The following RFTN1 variants were observed in gnomAD, a reference collection of about 807,000 sequenced individuals.
RFTN1 encodes raftlin, lipid raft linker 1, also known as raftlin.
In RFTN1, 26 loss-of-function variants were observed where a neutral mutation model predicts 46.5. The ratio of observed to expected loss-of-function variants is 0.56; its 90% confidence interval spans 0.41 to 0.78. The LOEUF is 0.78. RFTN1 is among the 30% of genes least tolerant of loss of function. RFTN1 has a pLI of 0.00. For missense variants in RFTN1, 693 were observed against 718.7 expected, an observed-to-expected ratio of 0.96 and a Z score of 0.41; for synonymous variants, 261 against 284.2, an observed-to-expected ratio of 0.92 and a Z score of 0.82.
At chr3:16,318,611 AT>A (rs111635660) in intron 9 of RFTN1, among the ~76,000 whole-genome samples, 52,153 of 151,854 alleles carry the variant, frequency 0.34, 9,792 homozygotes, top group Non-Finnish European at 0.42. Flanking sequence ...TTAATACATT[AT>A]AGGATTCTTG....
rs1038759515 is a variant in RFTN1 at position 16,458,375 on chromosome 3, G to A, written c.146-24338C>T. 1.3e-5 allele frequency among the ~76,000 whole-genome samples: 2 copies of A among 152,186 alleles called. No homozygotes were observed. Among genetic ancestry groups the A allele is most frequent in the Non-Finnish European group, 2.9e-5 (2 of 68,030 alleles). On this transcript the variant is annotated intron_variant, in intron 2 of 9. Coordinates refer to ENST00000334133, the MANE Select transcript of RFTN1 (RefSeq NM_015150.2). This position sits in a 1 kb window ranked among gnomAD's most constrained non-coding sequence, Gnocchi z 5.1. ...GGAGTTTCAGGTAGTGGGGTGCTAT[G>A]CCCAGGATACAGCAGAAAGGAAAAG...
At chr3:16,441,299 T>TAAAAAAAAAA (rs59877269) in intron 2 of RFTN1, among the ~76,000 whole-genome samples, 78 of 47,212 alleles carry the variant, frequency 1.7e-3, no homozygotes, top group Middle Eastern at 0.022. Context: ...TTCCAAGAAC[T>TAAAAAAAAAA]AAAAAAAAAA....
At chr3:16,357,114 C>CAAAAAAAAAAA (rs10563071) in intron 7 of RFTN1, among the ~76,000 whole-genome samples, 1 of 133,570 alleles carries the variant, frequency 7.5e-6, no homozygotes, top group Non-Finnish European at 1.6e-5. Flanking sequence ...GATGCCATCT[C>CAAAAAAAAAAA]AAAAAAAAAA....
Position 16,507,141 on chromosome 3 carries a change from T to C in RFTN1, c.-9+6301A>G, listed in dbSNP as rs560561984. Among the ~76,000 whole-genome samples the C allele has an allele frequency of 1.0e-3, 159 of 152,188 alleles. No individual in the cohort carries two copies. Among genetic ancestry groups the C allele is most frequent in the African/African-American group, 3.8e-3 (156 of 41,526 alleles). ...CTTCTAGGGTGAGGACTAAATAAGG[T>C]AGGGTGAGTTACTATTTAACAGGGC... On this transcript the variant is annotated intron_variant, in intron 1 of 9. Coordinates refer to ENST00000334133, the MANE Select transcript of RFTN1 (RefSeq NM_015150.2). This position sits in a 1 kb window ranked among gnomAD's most constrained non-coding sequence, Gnocchi z 7.1.
At position 16,344,309 on chromosome 3, in the gene RFTN1, A is replaced by AT. The variant is rs2071498057; in HGVS notation, c.1146+13622dup. On this transcript the variant is annotated intron_variant, in intron 7 of 9. Transcript: ENST00000334133. The surrounding 1 kb of genome is among the most constrained non-coding windows in gnomAD (Gnocchi z 4.4). ...GAAACCTACTCAAAAAAGAAAGTGG[A>AT]TTAGATCAGTAATTTTCAAGGTTTT... is the stretch of plus-strand genomic sequence containing the variant. Among the ~76,000 whole-genome samples, 1 of 151,318 alleles carries AT rather than the reference A, an allele frequency of 6.6e-6. No homozygotes were observed. Among genetic ancestry groups the AT allele is most frequent in the Non-Finnish European group, 1.5e-5 (1 of 67,892 alleles).
chr3:16,378,758 C>T (rs2073879175), intron 4 of RFTN1, among the ~76,000 whole-genome samples: 1 of 151,910 alleles, frequency 6.6e-6, no homozygotes, highest in Non-Finnish European at 1.5e-5. Context: ...ATGCCCAGCC[C>T]ACAGCCACAG....
chr3:16,445,504 C>CACAT (rs1363812354), intron 2 of RFTN1, among the ~76,000 whole-genome samples: 4 of 150,816 alleles, frequency 2.7e-5, no homozygotes, highest in Admixed American at 6.6e-5. Context: ...CACACACACA[C>CACAT]ACACACACAC....
chr3:16,323,749 C>T (rs965184988), intron 8 of RFTN1, among the ~76,000 whole-genome samples: 10 of 152,240 alleles, frequency 6.6e-5, no homozygotes, highest in African/African-American at 1.9e-4. Flanking sequence ...AATGTGGACA[C>T]ACTGGCTGCT....
chr3:16,509,751 C>T lies in RFTN1; in HGVS notation c.-9+3691G>A, dbSNP rs183215894. 1.3e-5 allele frequency among the ~76,000 whole-genome samples: 2 copies of T among 152,124 alleles called. No homozygotes were observed. Among genetic ancestry groups the T allele is most frequent in the Non-Finnish European group, 1.5e-5 (1 of 68,030 alleles). ...CACCCACTGTCAACCTCCAGAGAGG[C>T]GATCACCCAGATGGGTATCACGAGT... On this transcript the variant is annotated intron_variant, in intron 1 of 9. Transcript: ENST00000334133. This position sits in a 1 kb window ranked among gnomAD's most constrained non-coding sequence, Gnocchi z 4.9.
At chr3:16,417,713 T>C (rs2075110268) in intron 3 of RFTN1, among the ~76,000 whole-genome samples, 1 of 152,196 alleles carries the variant, frequency 6.6e-6, no homozygotes, top group African/African-American at 2.4e-5. Context: ...CAAACGCCCA[T>C]GGGCAACGAG....
In RFTN1 at chr3:16,468,129, AC is replaced by A. The variant is rs368986668; in HGVS notation, c.145+25595del. On this transcript the variant is annotated intron_variant, in intron 2 of 9. Coordinates refer to ENST00000334133, the MANE Select transcript of RFTN1 (RefSeq NM_015150.2). The surrounding 1 kb of genome is among the most constrained non-coding windows in gnomAD (Gnocchi z 4.4). ...GGAGACTGCAGACCCCAGAATGATA[AC>A]AGGGTGAGCTATATTTATATCCCAC... 8.9e-4 allele frequency among the ~76,000 whole-genome samples: 135 copies of A among 152,352 alleles called. No homozygotes were observed. Among genetic ancestry groups the A allele is most frequent in the African/African-American group, 3.2e-3 (131 of 41,568 alleles).
chr3:16,417,669 G>A (rs1303284694), intron 3 of RFTN1, among the ~76,000 whole-genome samples: 2 of 152,176 alleles, frequency 1.3e-5, no homozygotes, highest in African/African-American at 4.8e-5. Flanking sequence ...CCAGGCAGGG[G>A]AAGGGTCAGA....
Position 16,346,618 on chromosome 3 carries a change from T to A in RFTN1, c.1146+11314A>T, listed in dbSNP as rs139925688. Among the ~76,000 whole-genome samples the A allele has an allele frequency of 6.6e-6, 1 of 152,240 alleles. No individual in the cohort carries two copies. The highest frequency in any genetic ancestry group is 1.5e-5 in the Non-Finnish European group (1 of 68,018). On this transcript the variant is annotated intron_variant, in intron 7 of 9. Coordinates refer to ENST00000334133, the MANE Select transcript of RFTN1 (RefSeq NM_015150.2). This position sits in a 1 kb window ranked among gnomAD's most constrained non-coding sequence, Gnocchi z 4.4. ...GACACCCCCCAGGCCTGGACAACCA[T>A]GACTCTTGACAAGTGGCATGGGTCT...
rs148657345 is a variant in RFTN1 at position 16,508,556 on chromosome 3, C to T, written c.-9+4886G>A. 2.3e-3 allele frequency among the ~76,000 whole-genome samples: 351 copies of T among 152,304 alleles called. 3 individuals are homozygous for T. The highest frequency in any genetic ancestry group is 8.0e-3 in the African/African-American group (334 of 41,558). Reference sequence around the variant, plus strand: ...TCAAGCAGTGGCTATCGCTTGCCTGCTGTACCAATTTTTTATGAGAAAGTG... The same window carrying T: ...TCAAGCAGTGGCTATCGCTTGCCTGTTGTACCAATTTTTTATGAGAAAGTG... On this transcript the variant is annotated intron_variant, in intron 1 of 9. Transcript: ENST00000334133.
rs1230567748 is a variant in RFTN1 at position 16,329,867 on chromosome 3, T to C, written c.1147-2991A>G. ...AGCCCTGAGTGGCAGAATGGAGTCC[T>C]TTTATTGGTGGCTGCATCTCGGGCC... On this transcript the variant is annotated intron_variant, in intron 7 of 9. Coordinates refer to ENST00000334133, the MANE Select transcript of RFTN1 (RefSeq NM_015150.2). This position sits in a 1 kb window ranked among gnomAD's most constrained non-coding sequence, Gnocchi z 4.5. 6.6e-6 allele frequency among the ~76,000 whole-genome samples: 1 copy of C among 152,136 alleles called. No individual in the cohort carries two copies.
intron 6 of RFTN1, among the ~76,000 whole-genome samples, chr3:16,367,405 T>C (rs2073254269): frequency 6.6e-6 from 1 of 152,196 alleles, no homozygotes; most frequent in African/African-American, 2.4e-5. Context: ...AGTCATACTC[T>C]CCCTCCCAAA....
chr3:16,404,336 A>AATATATAATATATAT lies in RFTN1; in HGVS notation c.441+5038_441+5039insATATATATTATATAT, dbSNP rs2074786662. The stretch of plus-strand genomic sequence containing the variant: ...TATTATATATAATATATAATATATA[A>AATATATAATATATAT]TATATATAATATATAATATATATAC... On this transcript the variant is annotated intron_variant, in intron 4 of 9. Transcript: ENST00000334133. Among the ~76,000 whole-genome samples, 46 of 32,280 alleles carry AATATATAATATATAT rather than the reference A, an allele frequency of 1.4e-3. 12 individuals carry two copies. Among genetic ancestry groups the AATATATAATATATAT allele is most frequent in the Admixed American group, 2.8e-3 (5 of 1,798 alleles). 21.2% of individuals were successfully genotyped at this position (32,280 alleles called of 152,430 possible). A position where few individuals can be genotyped will look rare whatever the true frequency, so the allele number is the denominator to read the frequency against.
At chr3:16,347,142 T>G (rs981350943) in intron 7 of RFTN1, among the ~76,000 whole-genome samples, 23 of 152,206 alleles carry the variant, frequency 1.5e-4, no homozygotes, top group African/African-American at 5.1e-4. Context: ...AGCTCTCTGA[T>G]GAAAATCCCA....
intron 1 of RFTN1, among the ~76,000 whole-genome samples, chr3:16,502,578 G>C (rs1406855806): frequency 2.0e-5 from 3 of 152,148 alleles, no homozygotes; most frequent in East Asian, 1.9e-4. Flanking sequence ...TACTTTATAG[G>C]AAACATTGTG....
Sources: gnomAD v4.1 joint callset for allele counts (sites outside exome capture counted in the v4.1 genomes callset) on GRCh38, gnomAD v4.1.1 for gene constraint, Gnocchi (gnomAD v3.1) non-coding constraint, MANE v1.5 for transcripts, NCBI Gene and HGNC (gene_info 2026-07-23, HGNC 2026-07-21) for gene names.